The following CSPP1 variants were observed in gnomAD, a reference collection of about 807,000 sequenced individuals.
CSPP1 encodes centrosome and spindle pole associated protein 1.
In CSPP1, 126 loss-of-function variants were observed where a neutral mutation model predicts 164.4. The observed-to-expected ratio is 0.77, with a 90% CI of 0.66 to 0.89. The LOEUF (loss-of-function observed/expected upper bound fraction) is 0.89. Among genes scored for constraint, CSPP1 ranks in the 40% least tolerant of loss-of-function variants. CSPP1 has a pLI of 0.00. For missense variants in CSPP1, 1,395 were observed against 1,449.8 expected (o/e 0.96, Z 0.61); for synonymous variants, 472 against 476.7 (o/e 0.99, Z 0.13).
intron 8 of CSPP1, among the ~76,000 whole-genome samples, chr8:67,103,982 T>C (rs1220099266): frequency 6.6e-6 from 1 of 152,184 alleles, no homozygotes; most frequent in Non-Finnish European, 1.5e-5. Context: ...ATTTCTGTCA[T>C]GTTGAAAGGA....
intron 25 of CSPP1, 69 bp from the exon 26 acceptor site, chr8:67,175,227 G>A: frequency 8.6e-7 from 1 of 1,163,134 alleles, no homozygotes; most frequent in South Asian, 1.4e-5. Flanking sequence ...GTTACTTACA[G>A]TGAAGTTTTA....
intron 2 of CSPP1, among the ~76,000 whole-genome samples, chr8:67,075,912 C>G (rs1467856523): frequency 6.6e-6 from 1 of 152,174 alleles, no homozygotes; most frequent in Non-Finnish European, 1.5e-5. Context: ...TAGTTAGGAC[C>G]AGCTTACGGC....
intron 17 of CSPP1, among the ~76,000 whole-genome samples, chr8:67,144,756 G>GT (rs1199783203): frequency 6.6e-6 from 1 of 152,082 alleles, no homozygotes; most frequent in Non-Finnish European, 1.5e-5. Context: ...GCTGGGAAAT[G>GT]TTTTTTCTGT....
At chr8:67,190,239 C>G (rs1420344886) in intron 28 of CSPP1, among the ~76,000 whole-genome samples, 1 of 152,124 alleles carries the variant, frequency 6.6e-6, no homozygotes, top group Non-Finnish European at 1.5e-5. Context: ...TATTATTCAG[C>G]AGTAAAATGT....
rs1227763740 is a variant in CSPP1, at chr8:67,193,691, T to C, written c.3469+89T>C. On this transcript the variant is annotated intron_variant, in intron 30 of 30. Transcript: ENST00000678616. The stretch of plus-strand genomic sequence containing the variant: ...AAGGCTTTCACTAACGTCTGAGGGA[T>C]AGATGGAATGAGTTTGAAGACCTTT... 5.2e-5 allele frequency: 62 copies of C among 1,182,760 alleles called. No homozygotes were observed. In the South Asian group the frequency reaches 7.1e-4, roughly 13 times the overall value. 73.3% of individuals were successfully genotyped at this position (1,182,760 alleles called of 1,614,324 possible).
chr8:67,067,449 T>G (rs567629541), intron 1 of CSPP1, among the ~76,000 whole-genome samples: 21 of 152,272 alleles, frequency 1.4e-4, no homozygotes, highest in South Asian at 8.3e-4. Context: ...GCTCTGTTTT[T>G]TTTGTTTGTT....
chr8:67,085,928 T>C, intron 3 of CSPP1, 79 bp from the exon 4 acceptor site: 2 of 735,024 alleles, frequency 2.7e-6, no homozygotes, highest in Non-Finnish European at 2.5e-6. Context: ...TGTTCCTTCT[T>C]ACTGTGCTTT....
chr8:67,112,354 A>G (rs1174659288), intron 10 of CSPP1, among the ~76,000 whole-genome samples: 1 of 150,356 alleles, frequency 6.7e-6, no homozygotes, highest in Non-Finnish European at 1.5e-5. Flanking sequence ...ATTTAATGTT[A>G]TAGATATGCC....
At chr8:67,136,860 T>C (rs1055385497) in intron 16 of CSPP1, among the ~76,000 whole-genome samples, 1 of 151,852 alleles carries the variant, frequency 6.6e-6, no homozygotes, top group Non-Finnish European at 1.5e-5. Context: ...ATGGCTCAGG[T>C]AGACACTAGG....
At chr8:67,169,730 G>A (rs745650032) in intron 24 of CSPP1, among the ~76,000 whole-genome samples, 8 of 151,958 alleles carry the variant, frequency 5.3e-5, no homozygotes, top group African/African-American at 7.2e-5. Context: ...GTGAGCCACC[G>A]TGCCCGGCCA....
Position 67,147,216 on chromosome 8 carries a change from C to T in CSPP1, c.1976-2567C>T, listed in dbSNP as rs146537915. ...ATGTATGGTTTGTGCAGGTGACTAT[C>T]AAACTAAGATTGCATTCCCTAAGCA... is the stretch of plus-strand genomic sequence containing the variant. On this transcript the variant is annotated intron_variant, in intron 17 of 30. Transcript: ENST00000678616. Among the ~76,000 whole-genome samples the T allele has an allele frequency of 1.9e-3, 284 of 152,296 alleles. 4 individuals carry two copies. Among genetic ancestry groups the T allele is most frequent in the African/African-American group, 6.6e-3 (273 of 41,556 alleles).
At chr8:67,090,212 T>G (rs1378826587) in intron 4 of CSPP1, among the ~76,000 whole-genome samples, 5 of 152,226 alleles carry the variant, frequency 3.3e-5, no homozygotes, top group Non-Finnish European at 7.3e-5. Flanking sequence ...CAGGTAAGTT[T>G]AGAGTTCCAT....
chr8:67,135,978 AAG>A (rs1478813029), intron 16 of CSPP1: 1 of 152,188 alleles, frequency 6.6e-6, no homozygotes, highest in Non-Finnish European at 1.5e-5. Context: ...AAGAGAGGGA[AAG>A]AGACAGGGGA....
intron 15 of CSPP1, among the ~76,000 whole-genome samples, chr8:67,126,736 A>C (rs1220087764): frequency 2.0e-5 from 3 of 152,188 alleles, no homozygotes; most frequent in Non-Finnish European, 4.4e-5. Flanking sequence ...GGAGCTTTTC[A>C]AGACCCCATG....
chr8:67,163,593 T>G (rs185268313), intron 22 of CSPP1, 139 bp from the exon 23 acceptor site: 2 of 610,218 alleles, frequency 3.3e-6, no homozygotes, highest in Admixed American at 5.9e-5. Context: ...TTGGGTAGAG[T>G]ATAGCTGGGT....
chr8:67,086,888 CT>C (rs75348559), intron 4 of CSPP1: 197,446 of 880,854 alleles, frequency 0.22, 76 homozygotes, highest in South Asian at 0.26. Context: ...TTTTTTCTTT[CT>C]TTTTTTTTTT....
chr8:67,118,272 C>G lies in CSPP1; in HGVS notation c.1521C>G (p.Pro507=). Residue 507 remains proline, a synonymous_variant, in exon 14 of 31, where the codon CCC becomes CCG. Coordinates refer to ENST00000678616, the MANE Select transcript of CSPP1 (RefSeq NM_001382391.1). ...GGATTGCACCTCTGCCTCCACCTCCCCTACTACCACCTTTGGCTACTAACT... is the reference window on the plus strand; with the variant it reads ...GGATTGCACCTCTGCCTCCACCTCCGCTACTACCACCTTTGGCTACTAACT... The part of the protein sequence containing the change: ...SPRIAPLPPP[P]LLPPLATNYR... 5.0e-6 allele frequency: 8 copies of G among 1,613,664 alleles called. No homozygotes were observed. Among genetic ancestry groups the G allele is most frequent in the Non-Finnish European group, 6.8e-6 (8 of 1,179,654 alleles).
At chr8:67,181,211 A>AT (rs1563771138) in intron 28 of CSPP1, among the ~76,000 whole-genome samples, 1 of 149,832 alleles carries the variant, frequency 6.7e-6, no homozygotes, top group Non-Finnish European at 1.5e-5. Context: ...TATCTTTTTT[A>AT]TTTTTTTGTA....
intron 28 of CSPP1, among the ~76,000 whole-genome samples, chr8:67,187,875 T>C (rs994977297): frequency 7.9e-5 from 12 of 152,200 alleles, no homozygotes; most frequent in African/African-American, 2.7e-4. Context: ...TTCACAAAAA[T>C]TAACTCAAAG....
Sources: gnomAD v4.1 joint callset for allele counts (sites outside exome capture counted in the v4.1 genomes callset) on GRCh38, gnomAD v4.1.1 for gene constraint, MANE v1.5 for transcripts, NCBI Gene and HGNC (gene_info 2026-07-23, HGNC 2026-07-21) for gene names.